The following PLCE1 variants were observed in gnomAD, a reference collection of about 807,000 sequenced individuals.
PLCE1 encodes the protein 1-phosphatidylinositol 4,5-bisphosphate phosphodiesterase epsilon-1.
In PLCE1, 119 loss-of-function variants were observed where a neutral mutation model predicts 242.8. The ratio of observed to expected loss-of-function variants is 0.49; its 90% confidence interval spans 0.42 to 0.57. PLCE1 has a LOEUF of 0.57. PLCE1 is among the 20% of genes least tolerant of loss of function. The pLI is 0.00. For missense variants in PLCE1, 2,441 were observed against 2,788.8 expected (o/e 0.88, Z 2.81); for synonymous variants, 945 against 1,017.4 (o/e 0.93, Z 1.35).
intron 2 of PLCE1, chr10:94,105,929 A>G (rs2045715219): frequency 6.6e-6 from 1 of 152,172 alleles, no homozygotes; most frequent in South Asian, 2.1e-4. Flanking sequence ...TATGAGTGTT[A>G]ACTCGTTTAA....
At chr10:94,037,449 C>G (rs1203540194) in intron 2 of PLCE1, among the ~76,000 whole-genome samples, 1 of 152,114 alleles carries the variant, frequency 6.6e-6, no homozygotes, top group Non-Finnish European at 1.5e-5. Flanking sequence ...TTTGGTTGCC[C>G]TGGAGCTAGG....
intron 1 of PLCE1, among the ~76,000 whole-genome samples, chr10:94,015,689 G>A (rs1467780284): frequency 6.6e-6 from 1 of 152,156 alleles, no homozygotes; most frequent in Non-Finnish European, 1.5e-5. Context: ...GCCTGGGAAT[G>A]ATAAACAGGA....
At chr10:94,141,975 T>A (rs1013860608) in intron 3 of PLCE1, among the ~76,000 whole-genome samples, 1 of 152,158 alleles carries the variant, frequency 6.6e-6, no homozygotes, top group Non-Finnish European at 1.5e-5. Flanking sequence ...CTCCAAAACT[T>A]ACTGAATATT....
At chr10:94,213,363 A>G (rs1223914593) in intron 4 of PLCE1, among the ~76,000 whole-genome samples, 6 of 152,252 alleles carry the variant, frequency 3.9e-5, no homozygotes, top group African/African-American at 1.2e-4. Context: ...CCAGCCCATC[A>G]AATGTTGTAA....
intron 2 of PLCE1, among the ~76,000 whole-genome samples, chr10:94,070,640 T>G (rs2044323956): frequency 6.6e-6 from 1 of 152,234 alleles, no homozygotes. Flanking sequence ...ATACGCTTTT[T>G]GAGCAAAACT....
chr10:94,080,449 A>T (rs80325033), intron 2 of PLCE1, among the ~76,000 whole-genome samples: 159 of 152,342 alleles, frequency 1.0e-3, no homozygotes, highest in Non-Finnish European at 2.1e-3. Context: ...CTACCATGAG[A>T]TTGGACATGC....
chr10:94,263,176 T>C (rs910671272), intron 14 of PLCE1, among the ~76,000 whole-genome samples: 1 of 152,144 alleles, frequency 6.6e-6, no homozygotes, highest in Non-Finnish European at 1.5e-5. Flanking sequence ...GACCTTGTTT[T>C]GTTTTGTTTT....
chr10:94,074,602 G>T (rs1200891766), intron 2 of PLCE1, among the ~76,000 whole-genome samples: 2 of 152,060 alleles, frequency 1.3e-5, no homozygotes, highest in Non-Finnish European at 2.9e-5. Context: ...AAATGGAACT[G>T]CTTTATGAGT....
At chr10:94,297,461 T>A (rs1007158428) in intron 23 of PLCE1, among the ~76,000 whole-genome samples, 2 of 151,536 alleles carry the variant, frequency 1.3e-5, no homozygotes. Flanking sequence ...ATAATAATAA[T>A]GTTTAAAAGC....
chr10:94,311,941 G>A (rs1357225143), intron 27 of PLCE1, among the ~76,000 whole-genome samples: 1 of 152,112 alleles, frequency 6.6e-6, no homozygotes, highest in African/African-American at 2.4e-5. Flanking sequence ...AGAAAGCAGA[G>A]AGCTCATGGG....
chr10:94,089,437 C>T (rs2044977456), intron 2 of PLCE1: 1 of 1,366,336 alleles, frequency 7.3e-7, no homozygotes, highest in Non-Finnish European at 1.0e-6. Context: ...ATCCTGGGGA[C>T]TGTTTCTTTA....
intron 22 of PLCE1, among the ~76,000 whole-genome samples, chr10:94,291,492 T>C (rs769182604): frequency 6.6e-6 from 1 of 152,174 alleles, no homozygotes; most frequent in Non-Finnish European, 1.5e-5. Flanking sequence ...AGGCTAACCA[T>C]GTGGATTTAA....
At chr10:94,017,546 G>C (rs556462680) in intron 1 of PLCE1, among the ~76,000 whole-genome samples, 1 of 152,076 alleles carries the variant, frequency 6.6e-6, no homozygotes, top group Non-Finnish European at 1.5e-5. Flanking sequence ...GTCATTGATG[G>C]GCATCCATGA....
intron 3 of PLCE1, among the ~76,000 whole-genome samples, chr10:94,159,289 T>G (rs1459619833): frequency 6.6e-6 from 1 of 152,200 alleles, no homozygotes; most frequent in African/African-American, 2.4e-5. Context: ...GCAAGACGGA[T>G]TTTGTTACTT....
intron 2 of PLCE1, among the ~76,000 whole-genome samples, chr10:94,047,537 T>C (rs527949788): frequency 6.6e-5 from 10 of 152,348 alleles, no homozygotes; most frequent in South Asian, 2.1e-4. Context: ...CTCAATAGAA[T>C]TGAAATTTTC....
intron 2 of PLCE1, among the ~76,000 whole-genome samples, chr10:94,044,427 G>A (rs745541760): frequency 1.3e-5 from 2 of 152,208 alleles, no homozygotes; most frequent in African/African-American, 2.4e-5. Context: ...GACAGGATTG[G>A]TTTTATTAGA....
At chr10:94,252,887 A>T (rs1451725681) in intron 9 of PLCE1, among the ~76,000 whole-genome samples, 1 of 152,108 alleles carries the variant, frequency 6.6e-6, no homozygotes, top group Non-Finnish European at 1.5e-5. Context: ...CATAGGAGAA[A>T]GTATCCCCAG....
intron 4 of PLCE1, among the ~76,000 whole-genome samples, chr10:94,216,192 G>T (rs1297107355): frequency 6.6e-6 from 1 of 152,248 alleles, no homozygotes; most frequent in Non-Finnish European, 1.5e-5. Context: ...AGCATTTGGT[G>T]TCACTGTTAT....
chr10:94,087,283 G>A lies in PLCE1; in HGVS notation c.1207-44891G>A, dbSNP rs551120453. On this transcript the variant is annotated intron_variant, in intron 2 of 32. Coordinates refer to ENST00000371380, the MANE Select transcript of PLCE1 (RefSeq NM_016341.4). ...GAAAATCACTTGAGCCTGGGAGATCGAGGCTGCAGTGAGCTGTGATCACGC... is the reference window on the plus strand; with the variant it reads ...GAAAATCACTTGAGCCTGGGAGATCAAGGCTGCAGTGAGCTGTGATCACGC... 8.8e-5 allele frequency among the ~76,000 whole-genome samples: 13 copies of A among 147,956 alleles called. No individual in the cohort carries two copies. The South Asian group carries it at 2.4e-3, about 27-fold the overall frequency.
Sources: gnomAD v4.1 joint callset for allele counts (sites outside exome capture counted in the v4.1 genomes callset) on GRCh38, gnomAD v4.1.1 for gene constraint, MANE v1.5 for transcripts, NCBI Gene and HGNC (gene_info 2026-07-23, HGNC 2026-07-21) for gene names.